Variants in AXL observed in about 807,000 individuals in gnomAD.
AXL encodes AXL receptor tyrosine kinase.
A neutral mutation model predicts 104.5 loss-of-function variants in AXL; 52 were observed. The ratio of observed to expected loss-of-function variants is 0.50; its 90% CI spans 0.40 to 0.63. The LOEUF (loss-of-function observed/expected upper bound fraction) is 0.63, where lower values mean the gene tolerates loss of function less well. AXL is among the 20% of genes least tolerant of loss of function. The probability of loss-of-function intolerance (pLI) is 0.00; values close to 1 mark genes in which losing one functional copy is unlikely to be tolerated. For synonymous variants in AXL, 455 were observed against 473.7 expected (o/e 0.96, Z 0.51); for missense variants, 1,024 against 1,188.5 (o/e 0.86, Z 2.04).
intron 4 of AXL, 40 bp downstream of exon 4, chr19:41,222,096 G>T: frequency 6.8e-7 from 1 of 1,471,954 alleles, no homozygotes; most frequent in South Asian, 1.4e-5. Context: ...ATAGGGGGCC[G>T]GGCAGGGCTG....
intron 4 of AXL, chr19:41,226,957 C>A: frequency 3.9e-6 from 1 of 254,756 alleles, no homozygotes; most frequent in Non-Finnish European, 6.2e-6. Context: ...AAAAGTTAGC[C>A]AAGTGTGGTG....
rs1218355858 is a variant in AXL at position 41,253,663 on chromosome 19, G to A, written c.1991G>A (p.Ser664Asn). 1.2e-6 allele frequency: 2 copies of A among 1,613,452 alleles called. No individual in the cohort carries two copies. The highest frequency in any genetic ancestry group is 1.7e-6 in the Non-Finnish European group (2 of 1,179,846). Residue 664 changes from serine to asparagine, a missense_variant, in exon 17 of 20, where the codon AGT (serine) becomes AAT (asparagine). Around this residue, in one of 5 missense-constraint regions of AXL, gnomAD observed 523 missense variants for 636.0 expected, o/e 0.82. Coordinates refer to ENST00000301178, the MANE Select transcript of AXL (RefSeq NM_021913.5). ...ATCGCCAGTGGCATGGAGTATCTGA[G>A]TACCAAGAGATTCATACACCGGGAC... The part of the protein sequence containing the change: ...ADIASGMEYL[S>N]TKRFIHRDLA...
At chr19:41,226,065 G>A (rs774465568) in intron 4 of AXL, among the ~76,000 whole-genome samples, 1 of 152,212 alleles carries the variant, frequency 6.6e-6, no homozygotes, top group Non-Finnish European at 1.5e-5. Flanking sequence ...TGGAGGGGAA[G>A]GGGTCCCAGT....
intron 4 of AXL, among the ~76,000 whole-genome samples, chr19:41,230,747 G>A (rs541978633): frequency 3.6e-4 from 55 of 152,102 alleles, no homozygotes; most frequent in African/African-American, 1.3e-3. Context: ...TCTGTGTGGC[G>A]GGAGGTTAGG....
chr19:41,235,446 TG>T (rs1411054087), intron 6 of AXL, among the ~76,000 whole-genome samples: 1 of 152,130 alleles, frequency 6.6e-6, no homozygotes, highest in African/African-American at 2.4e-5. Flanking sequence ...GTCTTCTAAA[TG>T]CTTACATGCC....
rs2122199517 is a variant in AXL, at chr19:41,222,005, C to A, written c.535C>A (p.Pro179Thr). 1 of 1,606,264 alleles carries A rather than the reference C, an allele frequency of 6.2e-7. No individual in the cohort carries two copies. Among genetic ancestry groups the A allele is most frequent in the South Asian group, 1.1e-5 (1 of 89,770 alleles). Residue 179 changes from proline (P) to threonine (T), a missense_variant, in exon 4 of 20, where the codon CCC becomes ACC. Coordinates refer to ENST00000301178, the MANE Select transcript of AXL (RefSeq NM_021913.5). The part of the protein sequence containing the change: ...VDLLWLQDAV[P>T]LATAPGHGPQ... The stretch of plus-strand genomic sequence containing the variant: ...CCTACTCTGGCTCCAGGATGCTGTC[C>A]CCCTGGCCACGGCTCCAGGTCACGG...
intron 12 of AXL, among the ~76,000 whole-genome samples, chr19:41,244,816 C>T (rs2034244227): frequency 6.6e-6 from 1 of 151,798 alleles, no homozygotes; most frequent in South Asian, 2.1e-4. Context: ...ATCACCTTCA[C>T]TTCACAGATG....
intron 6 of AXL, among the ~76,000 whole-genome samples, chr19:41,232,910 AG>A (rs2034015741): frequency 6.6e-6 from 1 of 152,204 alleles, no homozygotes; most frequent in African/African-American, 2.4e-5. Flanking sequence ...ACTAAGGCTC[AG>A]AGTGGTTAAC....
rs201836604 is a variant in AXL at position 41,221,864 on chromosome 19, C to A, written c.410-16C>A. On this transcript the variant is annotated splice_polypyrimidine_tract_variant and intron_variant, in intron 3 of 19. Transcript: ENST00000301178. ...CTCAGAGGGACCCCAGCCTCTACCACTGCCCACCCCGCTAGGCTTGCCTTA... is the reference window on the plus strand; with the variant it reads ...CTCAGAGGGACCCCAGCCTCTACCAATGCCCACCCCGCTAGGCTTGCCTTA... 1 of 1,612,398 alleles carries A rather than the reference C, an allele frequency of 6.2e-7. No individual in the cohort carries two copies. The highest frequency in any genetic ancestry group is 8.5e-7 in the Non-Finnish European group (1 of 1,179,378).
intron 11 of AXL, among the ~76,000 whole-genome samples, chr19:41,243,245 C>A (rs1241306522): frequency 6.6e-6 from 1 of 152,186 alleles, no homozygotes; most frequent in East Asian, 1.9e-4. Flanking sequence ...ATGGCGAAAC[C>A]CTGTCTCTAC....
rs776870017 is a variant in AXL at position 41,248,608 on chromosome 19, G to T, written c.1632G>T (p.Glu544Asp). 3 of 1,614,074 alleles carry T rather than the reference G, an allele frequency of 1.9e-6. No homozygotes were observed. Among genetic ancestry groups the T allele is most frequent in the East Asian group, 2.2e-5 (1 of 44,876 alleles). The change falls in exon 13 of 20, where the codon GAG (glutamate) becomes GAT (aspartate). Residue 544 changes from glutamate (E) to aspartate (D), a missense_variant and splice_region_variant. Physicochemically the swap from Glu to Asp is conservative, Grantham distance 45. This residue lies in a region of AXL where 523 missense variants were observed against 636.0 expected (regional missense o/e 0.82). Transcript: ENST00000301178. The part of the protein sequence containing the change: ...HKVALGKTLG[E>D]GEFGAVMEGQ... ...TGGCCCTGGGGAAGACTCTGGGAGAGGGTGAGTCCCCCGGCAGCATACACA... is the reference window on the plus strand; with the variant it reads ...TGGCCCTGGGGAAGACTCTGGGAGATGGTGAGTCCCCCGGCAGCATACACA...
intron 6 of AXL, among the ~76,000 whole-genome samples, chr19:41,234,241 T>A (rs910842433): frequency 1.3e-5 from 2 of 152,094 alleles, no homozygotes; most frequent in African/African-American, 4.8e-5. Flanking sequence ...GAAAAGAAAT[T>A]GACCCCATAG....
Position 41,222,068 on chromosome 19 carries a change from G to T in AXL, c.586+12G>T. 6.5e-7 allele frequency: 1 copy of T among 1,533,984 alleles called. No individual in the cohort carries two copies. On this transcript the variant is annotated intron_variant, in intron 4 of 19. Transcript: ENST00000301178. ...CCTGCATGTTCCAGGTGAGTCCGGG[G>T]ATGTGGGTCAGCTCCGAATAGGGGG...
intron 10 of AXL, among the ~76,000 whole-genome samples, chr19:41,240,452 G>A (rs2034163271): frequency 6.6e-6 from 1 of 152,060 alleles, no homozygotes; most frequent in Non-Finnish European, 1.5e-5. Flanking sequence ...GGATTTGTGA[G>A]TGGATGAATG....
At position 41,226,614 on chromosome 19, in the gene AXL, C is replaced by T. The variant is rs564170133; in HGVS notation, c.587-4353C>T. On this transcript the variant is annotated intron_variant, in intron 4 of 19. Transcript: ENST00000301178. ...GGATGGAGAGCCTCCCTTGCCAACG[C>T]GGTGGGAACAGAGGCGTACACGCAC... The T allele has an allele frequency of 2.0e-4, 85 of 433,144 alleles. 2 individuals are homozygous for T. The South Asian group carries it at 7.2e-3, about 37-fold the overall frequency. 26.8% of individuals were successfully genotyped at this position (433,144 alleles called of 1,614,324 possible).
intron 14 of AXL, among the ~76,000 whole-genome samples, chr19:41,251,513 G>T (rs1179490054): frequency 1.3e-5 from 2 of 151,178 alleles, no homozygotes. Context: ...AGTGAGCCAA[G>T]ATTGCGCCAT....
At chr19:41,248,871 G>A (rs2034315527) in intron 14 of AXL, 51 bp downstream of exon 14, 1 of 1,516,888 alleles carries the variant, frequency 6.6e-7, no homozygotes, top group Non-Finnish European at 8.9e-7. Flanking sequence ...CTATGCCCCT[G>A]AGACAGAAGA....
intron 17 of AXL, among the ~76,000 whole-genome samples, chr19:41,256,229 A>G (rs1186511119): frequency 6.6e-6 from 1 of 152,212 alleles, no homozygotes. Flanking sequence ...AAGAGCCAAA[A>G]TTGGGAAGTC....
chr19:41,247,510 AAAAAG>A (rs1243204538), intron 12 of AXL, among the ~76,000 whole-genome samples: 2 of 152,216 alleles, frequency 1.3e-5, no homozygotes, highest in African/African-American at 4.8e-5. Flanking sequence ...TCTCAAAAAA[AAAAAG>A]AAAAGAAAAT....
Sources: allele counts gnomAD v4.1 joint callset (sites outside exome capture counted in the v4.1 genomes callset), GRCh38; gene constraint gnomAD v4.1.1; regional missense constraint gnomAD v4.1.1; transcripts MANE v1.5; gene names NCBI Gene and HGNC (gene_info 2026-07-23, HGNC 2026-07-21).